Variants in PACSIN2 observed in about 807,000 individuals in gnomAD.
PACSIN2 encodes protein kinase C and casein kinase substrate in neurons 2, also known as protein kinase C and casein kinase substrate in neurons protein 2.
PACSIN2 carries 25 observed loss-of-function variants against 63.8 expected under a neutral mutation model. The ratio of observed to expected loss-of-function variants is 0.39; its 90% confidence interval spans 0.29 to 0.55. PACSIN2 has a LOEUF of 0.55. PACSIN2 is among the 20% of genes least tolerant of loss of function. The pLI is 0.62. For missense variants in PACSIN2, 518 were observed against 646.9 expected, an observed-to-expected ratio of 0.80 and a Z score of 2.16; for synonymous variants, 255 against 256.2, an observed-to-expected ratio of 1.00 and a Z score of 0.05.
chr22:42,895,536 T>C (rs1375506847), intron 2 of PACSIN2, among the ~76,000 whole-genome samples: 1 of 152,232 alleles, frequency 6.6e-6, no homozygotes, highest in African/African-American at 2.4e-5. Context: ...GTTAAAGGTT[T>C]AGGGAAAAGA....
chr22:42,937,774 C>T (rs1049653562), intron 1 of PACSIN2, among the ~76,000 whole-genome samples: 1 of 152,268 alleles, frequency 6.6e-6, no homozygotes. Context: ...CCATGGCACC[C>T]ATGCAGCTCC....
chr22:42,975,611 C>T (rs1435000278), intron 1 of PACSIN2, among the ~76,000 whole-genome samples: 10 of 139,414 alleles, frequency 7.2e-5, no homozygotes, highest in African/African-American at 1.3e-4. Flanking sequence ...TATAAGTATT[C>T]TTTTTTTTTT....
intron 1 of PACSIN2, among the ~76,000 whole-genome samples, chr22:42,980,073 A>T (rs976328920): frequency 1.4e-4 from 21 of 147,032 alleles, no homozygotes; most frequent in African/African-American, 4.1e-4. Context: ...GTTGTTAATT[A>T]AAAAAAAAAG....
At chr22:42,946,616 C>T (rs537576957) in intron 1 of PACSIN2, among the ~76,000 whole-genome samples, 1 of 152,366 alleles carries the variant, frequency 6.6e-6, no homozygotes, top group Non-Finnish European at 1.5e-5. Context: ...GCCCCAGTTA[C>T]ACAACACACA....
intron 5 of PACSIN2, among the ~76,000 whole-genome samples, chr22:42,887,640 G>C (rs1929591314): frequency 6.6e-6 from 1 of 151,816 alleles, no homozygotes; most frequent in Admixed American, 6.6e-5. Context: ...CCTCATGGCT[G>C]ACCAAAGGAG....
chr22:42,980,749 G>A (rs1378482881), intron 1 of PACSIN2, among the ~76,000 whole-genome samples: 1 of 98,210 alleles, frequency 1.0e-5, no homozygotes, highest in African/African-American at 4.1e-5. Flanking sequence ...TCGGCCTCCC[G>A]AGGTGCCGGG....
intron 1 of PACSIN2, among the ~76,000 whole-genome samples, chr22:42,990,710 G>A (rs3819678): frequency 0.02 from 3,088 of 152,256 alleles, 47 homozygotes; most frequent in East Asian, 0.029. Flanking sequence ...CAGACCACAA[G>A]TCTGGATTTT....
intron 1 of PACSIN2, among the ~76,000 whole-genome samples, chr22:42,912,732 A>G (rs1184374016): frequency 6.6e-6 from 1 of 152,252 alleles, no homozygotes; most frequent in Non-Finnish European, 1.5e-5. Flanking sequence ...GTTGGAGGGA[A>G]GAAACTGAAG....
At chr22:42,916,118 G>C (rs1445888898) in intron 1 of PACSIN2, among the ~76,000 whole-genome samples, 1 of 152,170 alleles carries the variant, frequency 6.6e-6, no homozygotes, top group Admixed American at 6.6e-5. Flanking sequence ...TTCCTGAGCT[G>C]TGCTTTACCA....
chr22:42,933,074 C>A (rs572843810), intron 1 of PACSIN2, among the ~76,000 whole-genome samples: 1 of 152,210 alleles, frequency 6.6e-6, no homozygotes. Flanking sequence ...AAACACCTGG[C>A]AAAGCCAAGT....
intron 1 of PACSIN2, among the ~76,000 whole-genome samples, chr22:42,927,810 T>C (rs534177175): frequency 6.6e-6 from 1 of 151,024 alleles, no homozygotes; most frequent in East Asian, 2.0e-4. Context: ...TGGTCTCGAA[T>C]TCCAGACCTC....
At chr22:42,988,340 G>C (rs1922780400) in intron 1 of PACSIN2, among the ~76,000 whole-genome samples, 3 of 152,174 alleles carry the variant, frequency 2.0e-5, no homozygotes, top group African/African-American at 7.2e-5. Flanking sequence ...AGTGAGGGGT[G>C]GGGGGCACGT....
chr22:42,932,582 C>T (rs1159802674), intron 1 of PACSIN2, among the ~76,000 whole-genome samples: 3 of 152,010 alleles, frequency 2.0e-5, no homozygotes, highest in African/African-American at 7.3e-5. Flanking sequence ...TCAAATAAGA[C>T]CTTTAGGATA....
chr22:42,897,871 G>A (rs1358925123), intron 2 of PACSIN2, among the ~76,000 whole-genome samples: 1 of 152,234 alleles, frequency 6.6e-6, no homozygotes, highest in Non-Finnish European at 1.5e-5. Flanking sequence ...CTGGCAAAAG[G>A]AAGGTGTGTC....
At chr22:42,962,994 C>T (rs1920928329) in intron 1 of PACSIN2, among the ~76,000 whole-genome samples, 1 of 152,190 alleles carries the variant, frequency 6.6e-6, no homozygotes, top group Non-Finnish European at 1.5e-5. Context: ...GATACAGCTG[C>T]CCGACCACTC....
intron 5 of PACSIN2, among the ~76,000 whole-genome samples, chr22:42,886,264 G>A (rs1400708079): frequency 3.3e-5 from 5 of 152,266 alleles, no homozygotes; most frequent in Non-Finnish European, 5.9e-5. Flanking sequence ...CACCCATGGA[G>A]TAAAACAAGA....
chr22:42,888,622 A>G, intron 5 of PACSIN2, 21 bp downstream of exon 5: 2 of 1,612,330 alleles, frequency 1.2e-6, no homozygotes, highest in Non-Finnish European at 1.7e-6. Context: ...CTCGACGTGT[A>G]AAAACAAGTG....
At chr22:42,991,676 A>G (rs1287559621) in intron 1 of PACSIN2, among the ~76,000 whole-genome samples, 5 of 152,244 alleles carry the variant, frequency 3.3e-5, no homozygotes, top group African/African-American at 1.2e-4. Flanking sequence ...AGCTGAGAAC[A>G]GTAAACAGTC....
intron 1 of PACSIN2, among the ~76,000 whole-genome samples, chr22:42,983,421 C>T (rs908088681): frequency 4.6e-5 from 6 of 129,578 alleles, no homozygotes; most frequent in Non-Finnish European, 7.7e-5. Flanking sequence ...ACCCAGAAGG[C>T]GGAGGTTGCA....
Sources: allele counts gnomAD v4.1 joint callset (sites outside exome capture counted in the v4.1 genomes callset), GRCh38; gene constraint gnomAD v4.1.1; transcripts MANE v1.5; gene names NCBI Gene and HGNC (gene_info 2026-07-23, HGNC 2026-07-21).